FLYWCH1: variants seen among roughly 807,000 people sequenced by gnomAD.
FLYWCH1 encodes FLYWCH-type zinc finger 1.
Under a neutral mutation model 66.4 loss-of-function variants are expected in FLYWCH1, and 75 were observed. That is an observed-to-expected ratio of 1.13 (90% CI 0.94 to 1.37). The LOEUF (loss-of-function observed/expected upper bound fraction) is 1.37. FLYWCH1 is among the 40% of genes most tolerant of loss of function. FLYWCH1 has a pLI of 0.00. For synonymous variants in FLYWCH1, 595 were observed against 429.9 expected, an observed-to-expected ratio of 1.38 and a Z score of -4.75; for missense variants, 1,334 against 1,001.8, an observed-to-expected ratio of 1.33 and a Z score of -4.48.
chr16:2,936,584 G>A (rs1485805154), intron 6 of FLYWCH1: 2 of 456,878 alleles, frequency 4.4e-6, no homozygotes, highest in Non-Finnish European at 8.8e-6. Flanking sequence ...GGAGGAAAGG[G>A]TATCCTCTGG....
At chr16:2,940,730 C>T (rs2151001418) in intron 9 of FLYWCH1, among the ~76,000 whole-genome samples, 1 of 152,318 alleles carries the variant, frequency 6.6e-6, no homozygotes, top group South Asian at 2.1e-4. Context: ...AGCCACTGTG[C>T]CCAGCCTTGT....
rs2071621333 is a variant in FLYWCH1, at chr16:2,949,725, C to T, written c.*998C>T. On this transcript the variant is annotated 3_prime_UTR_variant, in exon 10 of 10. Transcript: ENST00000253928. ...CCTGGCAAGTTGGCCACGGAACCCA[C>T]CATGCACTGCAAGGCTGTGACAGCC... is the stretch of plus-strand genomic sequence containing the variant. The T allele has an allele frequency of 6.6e-6, 1 of 152,030 alleles. No individual in the cohort carries two copies. The highest frequency in any genetic ancestry group is 2.1e-4 in the South Asian group (1 of 4,810). 9.4% of individuals were successfully genotyped at this position (152,030 alleles called of 1,614,324 possible).
intron 2 of FLYWCH1, among the ~76,000 whole-genome samples, chr16:2,925,581 A>T (rs55760474): frequency 1.7e-4 from 14 of 83,500 alleles, no homozygotes; most frequent in Admixed American, 6.9e-4. Context: ...TTGCGGGGGG[A>T]GGGGGGTACG....
rs1339444399 is a variant in FLYWCH1, at chr16:2,938,418, G to A, written c.2012G>A (p.Arg671Gln). The change falls in exon 8 of 10, where the codon CGG becomes CAG. Residue 671 changes from arginine (R) to glutamine (Q), a missense_variant. Arg to Gln is a conservative substitution (Grantham distance 43). Transcript: ENST00000253928. ...DLAGLEALRQ[R>Q]ERLPTTAQQE... ...GCAGGCCTGGAGGCCTTGAGGCAACGGGAGCGGCTCCCCACCACGGCCCAG... is the reference window on the plus strand; with the variant it reads ...GCAGGCCTGGAGGCCTTGAGGCAACAGGAGCGGCTCCCCACCACGGCCCAG... 6 of 1,537,552 alleles carry A rather than the reference G, an allele frequency of 3.9e-6. No individual in the cohort carries two copies. Among genetic ancestry groups the A allele is most frequent in the South Asian group, 1.3e-5 (1 of 79,100 alleles).
intron 9 of FLYWCH1, among the ~76,000 whole-genome samples, chr16:2,941,393 C>G (rs531099395): frequency 6.6e-6 from 1 of 152,158 alleles, no homozygotes; most frequent in Non-Finnish European, 1.5e-5. Flanking sequence ...AAATCTATAG[C>G]TAAAAACACT....
At chr16:2,922,708 C>T (rs1195122610) in intron 2 of FLYWCH1, 3 of 494,664 alleles carry the variant, frequency 6.1e-6, no homozygotes, top group Non-Finnish European at 1.2e-5. Context: ...TGATCAGGAG[C>T]CAGTGGAACA....
chr16:2,913,260 C>G (rs757166), intron 1 of FLYWCH1: 85,681 of 152,058 alleles, frequency 0.56, 24,369 homozygotes, highest in Middle Eastern at 0.62. Flanking sequence ...GGTAAGGGAT[C>G]ATGTCCTGAG....
rs116673346 is a variant in FLYWCH1, at chr16:2,932,713, C to G, written c.797-417C>G. Among the ~76,000 whole-genome samples the G allele has an allele frequency of 6.2e-3, 937 of 152,110 alleles. 15 individuals carry two copies. The highest frequency in any genetic ancestry group is 0.021 in the African/African-American group (891 of 41,520). ...TTCAAAAATGGGTAGATTTGTTAAA[C>G]AAAACCTAAAAAAAATATGAGCAGG... is the stretch of plus-strand genomic sequence containing the variant. On this transcript the variant is annotated intron_variant, in intron 4 of 9. Transcript: ENST00000253928.
chr16:2,936,762 G>T (rs1567343124), intron 6 of FLYWCH1: 1 of 497,226 alleles, frequency 2.0e-6, no homozygotes, highest in South Asian at 1.5e-5. Flanking sequence ...TCCCCAGAGG[G>T]CCCCGGGTCA....
chr16:2,913,148 A>G (rs969058203), intron 1 of FLYWCH1: 2 of 152,250 alleles, frequency 1.3e-5, no homozygotes, highest in African/African-American at 4.8e-5. Context: ...GTTAAGCTTT[A>G]GGAAGAGTGA....
In FLYWCH1 at chr16:2,939,913, C is replaced by G. The variant is rs893947686; in HGVS notation, c.2051-119C>G. 32 of 1,211,794 alleles carry G rather than the reference C, an allele frequency of 2.6e-5. No individual in the cohort carries two copies. The East Asian group carries it at 3.8e-4, about 14-fold the overall frequency. 75.1% of individuals were successfully genotyped at this position (1,211,794 alleles called of 1,614,324 possible). On this transcript the variant is annotated intron_variant, in intron 8 of 9. Coordinates refer to ENST00000253928, the MANE Select transcript of FLYWCH1 (RefSeq NM_001308068.2). ...GCGTTGAATTCCCAGCGTTGCTTCA[C>G]CCGGTTGTCTTTCTCCTCACAGCCT... is the stretch of plus-strand genomic sequence containing the variant.
At position 2,933,097 on chromosome 16, in the gene FLYWCH1, C is replaced by T. The variant is rs569152055; in HGVS notation, c.797-33C>T. ...GTCCCTCCTGGGCTCCTCTCCACCCCTGGTGATGTGACCACTTGGGTCTCT... is the reference window on the plus strand; with the variant it reads ...GTCCCTCCTGGGCTCCTCTCCACCCTTGGTGATGTGACCACTTGGGTCTCT... On this transcript the variant is annotated intron_variant, in intron 4 of 9. Transcript: ENST00000253928. The T allele has an allele frequency of 3.1e-6, 5 of 1,589,028 alleles. No homozygotes were observed. In the South Asian group the frequency reaches 4.6e-5, roughly 14 times the overall value.
At position 2,948,646 on chromosome 16, in the gene FLYWCH1, T is replaced by C. The variant is rs199541669; in HGVS notation, c.2112-42T>C. 1.2e-4 allele frequency: 187 copies of C among 1,600,878 alleles called. No individual in the cohort carries two copies. In the African/African-American group the frequency reaches 2.3e-3, roughly 20 times the overall value. ...CTTTCTGTGTTATCTATTTCCACCA[T>C]GTTTTGATGTGTGCAATGAACATGT... On this transcript the variant is annotated intron_variant, in intron 9 of 9. Coordinates refer to ENST00000253928, the MANE Select transcript of FLYWCH1 (RefSeq NM_001308068.2).
At chr16:2,945,971 T>C (rs1472969308) in intron 9 of FLYWCH1, among the ~76,000 whole-genome samples, 1 of 151,928 alleles carries the variant, frequency 6.6e-6, no homozygotes, top group Non-Finnish European at 1.5e-5. Context: ...CACTCCAGCC[T>C]GGGCAACAGA....
In FLYWCH1 at chr16:2,939,929, C is replaced by T. The variant is rs566097993; in HGVS notation, c.2051-103C>T. The T allele has an allele frequency of 1.7e-5, 24 of 1,396,762 alleles. No homozygotes were observed. The South Asian group carries it at 1.9e-4, about 11-fold the overall frequency. 86.5% of individuals were successfully genotyped at this position (1,396,762 alleles called of 1,614,324 possible). On this transcript the variant is annotated intron_variant, in intron 8 of 9. Transcript: ENST00000253928. The stretch of plus-strand genomic sequence containing the variant: ...GTTGCTTCACCCGGTTGTCTTTCTC[C>T]TCACAGCCTTGAGGGCGTCGTTAAC...
intron 4 of FLYWCH1, among the ~76,000 whole-genome samples, chr16:2,931,145 A>T (rs2070747620): frequency 6.6e-6 from 1 of 151,810 alleles, no homozygotes; most frequent in African/African-American, 2.4e-5. Flanking sequence ...TCTACTAAAA[A>T]TACAACACTT....
intron 9 of FLYWCH1, among the ~76,000 whole-genome samples, chr16:2,944,127 C>A (rs2071383261): frequency 6.6e-6 from 1 of 152,106 alleles, no homozygotes; most frequent in Non-Finnish European, 1.5e-5. Context: ...CAGCTCCCAC[C>A]TGTCATCCCA....
rs1355509511 is a variant in FLYWCH1 at position 2,930,592 on chromosome 16, C to T, written c.508C>T (p.Arg170Trp). The change falls in exon 4 of 10, where the codon CGG (arginine) becomes TGG (tryptophan). Residue 170 changes from arginine to tryptophan, a missense_variant. Physicochemically the swap from Arg to Trp is moderately radical, Grantham distance 101. Transcript: ENST00000253928. ...CCGAGGCCTGCGGGCCACAGTGATG[C>T]GGGGCCACTGCCACGCGCCCGATGA... ...ITRGLRATVM[R>W]GHCHAPDEQG... 7 of 1,554,948 alleles carry T rather than the reference C, an allele frequency of 4.5e-6. No homozygotes were observed. The highest frequency in any genetic ancestry group is 3.9e-5 in the Admixed American group (2 of 50,972).
chr16:2,937,433 G>A, intron 7 of FLYWCH1, 49 bp downstream of exon 7: 9 of 1,473,860 alleles, frequency 6.1e-6, no homozygotes, highest in Non-Finnish European at 8.0e-6. Context: ...CCCAGGACCT[G>A]TGCCCCACAC....
Sources: allele counts gnomAD v4.1 joint callset (sites outside exome capture counted in the v4.1 genomes callset), GRCh38; gene constraint gnomAD v4.1.1; transcripts MANE v1.5; gene names NCBI Gene and HGNC (gene_info 2026-07-23, HGNC 2026-07-21).